Variants in PCBP3 observed in about 807,000 individuals in gnomAD.
PCBP3 encodes poly(rC)-binding protein 3.
PCBP3 carries 25 observed loss-of-function variants against 52.7 expected under a neutral mutation model. The ratio of observed to expected loss-of-function variants is 0.47; its 90% CI spans 0.35 to 0.66. PCBP3 has a LOEUF of 0.66. Among genes scored for constraint, PCBP3 ranks in the 30% least tolerant of loss-of-function variants. The pLI is 0.01. For missense variants in PCBP3, 391 were observed against 490.3 expected (o/e 0.80, Z 1.91); for synonymous variants, 162 against 183.0 (o/e 0.89, Z 0.93).
At chr21:45,762,779 C>G (rs1055111159) in intron 4 of PCBP3, 1 of 152,196 alleles carries the variant, frequency 6.6e-6, no homozygotes, top group African/African-American at 2.4e-5. Flanking sequence ...CCACCACGCC[C>G]GGCCTGTGCT....
At chr21:45,900,673 G>A (rs1337030149) in intron 8 of PCBP3, 50 bp downstream of exon 8, 1 of 1,304,186 alleles carries the variant, frequency 7.7e-7, no homozygotes, top group Non-Finnish European at 1.1e-6. Context: ...GGGTGGGCGG[G>A]GTGGGTCCCC....
chr21:45,923,848 G>GC, intron 13 of PCBP3, among the ~76,000 whole-genome samples: 1 of 142,306 alleles, frequency 7.0e-6, no homozygotes, highest in Non-Finnish European at 1.5e-5. Context: ...GGGAACAGTC[G>GC]AGTGGGTAGA....
chr21:45,878,295 G>C (rs900906576), intron 5 of PCBP3, among the ~76,000 whole-genome samples: 2 of 152,226 alleles, frequency 1.3e-5, no homozygotes, highest in Non-Finnish European at 2.9e-5. Context: ...GGGTGGGGGG[G>C]TCCTCCCGGG....
intron 4 of PCBP3, among the ~76,000 whole-genome samples, chr21:45,833,211 T>C (rs77586542): frequency 0.019 from 2,907 of 152,320 alleles, 93 homozygotes; most frequent in African/African-American, 0.067. Flanking sequence ...GGTTATTAAA[T>C]AACTATGTTA....
At chr21:45,929,468 C>T (rs917683830) in intron 13 of PCBP3, among the ~76,000 whole-genome samples, 6 of 152,216 alleles carry the variant, frequency 3.9e-5, no homozygotes, top group African/African-American at 2.4e-5. Context: ...GCGAGGTTTG[C>T]AAACTCATGC....
At chr21:45,664,982 G>A (rs1248065443) in intron 1 of PCBP3, among the ~76,000 whole-genome samples, 1 of 151,846 alleles carries the variant, frequency 6.6e-6, no homozygotes, top group Non-Finnish European at 1.5e-5. Context: ...TTTTGCAGTT[G>A]TCCTTGTAGA....
chr21:45,785,183 A>G (rs894824757), intron 4 of PCBP3, among the ~76,000 whole-genome samples: 4 of 142,424 alleles, frequency 2.8e-5, no homozygotes, highest in Non-Finnish European at 6.1e-5. Flanking sequence ...CCCTCCGCCC[A>G]GCAGCCGCCC....
chr21:45,648,633 G>T (rs1452598050), intron 1 of PCBP3, among the ~76,000 whole-genome samples: 1 of 152,194 alleles, frequency 6.6e-6, no homozygotes, highest in African/African-American at 2.4e-5. Flanking sequence ...CTTTCCAGAG[G>T]TTTGTTTCTT....
intron 4 of PCBP3, among the ~76,000 whole-genome samples, chr21:45,796,419 T>G (rs961269399): frequency 2.6e-5 from 4 of 152,248 alleles, no homozygotes; most frequent in African/African-American, 9.6e-5. Context: ...CAGTTTCCTC[T>G]TTGGGATGCT....
At chr21:45,714,828 G>T (rs966770497) in intron 2 of PCBP3, among the ~76,000 whole-genome samples, 4 of 152,194 alleles carry the variant, frequency 2.6e-5, no homozygotes, top group Middle Eastern at 6.8e-3. Flanking sequence ...GACTATTTTG[G>T]AGGCACGTTT....
chr21:45,927,223 T>C (rs1333429477), intron 13 of PCBP3, among the ~76,000 whole-genome samples: 1 of 106,240 alleles, frequency 9.4e-6, no homozygotes, highest in African/African-American at 3.3e-5. Context: ...AAAGACAGTT[T>C]ACAGAGAAAC....
chr21:45,768,009 TCACTACCCACGTTG>T (rs1473551322), intron 4 of PCBP3, among the ~76,000 whole-genome samples: 2 of 152,258 alleles, frequency 1.3e-5, no homozygotes, highest in Non-Finnish European at 2.9e-5. Context: ...AGGACCAGTG[TCACTACCCACGTTG>T]GCCACAGGCC....
chr21:45,664,710 C>T (rs1040906730), intron 1 of PCBP3, among the ~76,000 whole-genome samples: 3 of 150,504 alleles, frequency 2.0e-5, no homozygotes, highest in Non-Finnish European at 4.4e-5. Context: ...TGGTGCGCTG[C>T]ACCCACTAAC....
rs531545132 is a variant in PCBP3 at position 45,658,823 on chromosome 21, T to A, written c.-278-10051T>A. The stretch of plus-strand genomic sequence containing the variant: ...CTAATTTTTCCTTGTGGGAAATTTT[T>A]AAAATACTGAATATCTTTACTTGTT... On this transcript the variant is annotated intron_variant, in intron 1 of 17. Transcript: ENST00000681687. 9.8e-5 allele frequency among the ~76,000 whole-genome samples: 15 copies of A among 152,344 alleles called. No individual in the cohort carries two copies. In the South Asian group the frequency reaches 3.1e-3, roughly 32 times the overall value.
chr21:45,835,914 G>A (rs2093575761), intron 4 of PCBP3, among the ~76,000 whole-genome samples: 1 of 151,496 alleles, frequency 6.6e-6, no homozygotes, highest in South Asian at 2.1e-4. Context: ...GGCCTGGCGG[G>A]GTCTGGATCT....
intron 5 of PCBP3, among the ~76,000 whole-genome samples, chr21:45,851,885 C>G (rs557408059): frequency 6.6e-6 from 1 of 152,168 alleles, no homozygotes; most frequent in South Asian, 2.1e-4. Flanking sequence ...TGAATTATAC[C>G]TAACTTTAAG....
intron 2 of PCBP3, among the ~76,000 whole-genome samples, chr21:45,696,321 A>G (rs2082771208): frequency 6.6e-6 from 1 of 152,154 alleles, no homozygotes. Flanking sequence ...CCTATAAAAG[A>G]AACAGTTGAG....
In PCBP3 at chr21:45,863,767, A is replaced by AT. The variant is rs3838135; in HGVS notation, c.10+13674dup. On this transcript the variant is annotated intron_variant, in intron 5 of 17. Coordinates refer to ENST00000681687, the MANE Select transcript of PCBP3 (RefSeq NM_001384156.1). ...GAGCTGCTTTGTTCCAAGGTAAGGGATTGAGGGCCCTGGGTGAGCGGTCCG... is the reference window on the plus strand; with the variant it reads ...GAGCTGCTTTGTTCCAAGGTAAGGGATTTGAGGGCCCTGGGTGAGCGGTCCG... Among the ~76,000 whole-genome samples, 958 of 152,158 alleles carry AT rather than the reference A, an allele frequency of 6.3e-3. 17 individuals are homozygous for AT. The highest frequency in any genetic ancestry group is 0.051 in the East Asian group (261 of 5,150).
intron 4 of PCBP3, among the ~76,000 whole-genome samples, chr21:45,844,560 C>T (rs531135590): frequency 3.3e-5 from 5 of 152,222 alleles, no homozygotes; most frequent in East Asian, 1.9e-4. Context: ...CTGGTCTCCC[C>T]GCTCCTCTGT....
Sources: gnomAD v4.1 joint callset for allele counts (sites outside exome capture counted in the v4.1 genomes callset) on GRCh38, gnomAD v4.1.1 for gene constraint, MANE v1.5 for transcripts, NCBI Gene and HGNC (gene_info 2026-07-23, HGNC 2026-07-21) for gene names.